The following KLHL2 variants were observed in gnomAD, a reference collection of about 807,000 sequenced individuals.
KLHL2 encodes the protein kelch like family member 2.
KLHL2 carries 15 observed loss-of-function variants against 75.8 expected under a neutral mutation model. That is an observed-to-expected ratio of 0.20 (90% CI 0.13 to 0.30). The LOEUF (loss-of-function observed/expected upper bound fraction) is 0.30. Among genes scored for constraint, KLHL2 ranks in the 10% least tolerant of loss-of-function variants. KLHL2 has a pLI of 1.00. For synonymous variants in KLHL2, 214 were observed against 251.9 expected, an observed-to-expected ratio of 0.85 and a Z score of 1.42; for missense variants, 381 against 741.0, an observed-to-expected ratio of 0.51 and a Z score of 5.64.
chr4:165,267,920 G>A (rs965615305), intron 5 of KLHL2, among the ~76,000 whole-genome samples: 50 of 152,244 alleles, frequency 3.3e-4, no homozygotes, highest in African/African-American at 1.1e-3. Context: ...GTTAGAATTT[G>A]GCTGTGAATC....
At chr4:165,216,881 T>G (rs1737577928) in intron 1 of KLHL2, among the ~76,000 whole-genome samples, 1 of 152,192 alleles carries the variant, frequency 6.6e-6, no homozygotes, top group Non-Finnish European at 1.5e-5. Context: ...TTGAATAAAG[T>G]CTTCTTTGCA....
At chr4:165,320,831 G>A (rs1356755003) in intron 14 of KLHL2, among the ~76,000 whole-genome samples, 1 of 152,204 alleles carries the variant, frequency 6.6e-6, no homozygotes, top group East Asian at 1.9e-4. Context: ...GGCTATAAAG[G>A]TTGATGGTGA....
Position 165,260,661 on chromosome 4 carries a change from A to T in KLHL2, c.382-2536A>T, listed in dbSNP as rs1741595270. On this transcript the variant is annotated intron_variant, in intron 4 of 14. Transcript: ENST00000226725. Reference sequence around the variant, plus strand: ...ATATATTTTAGAAATTATCTCATTTATTAGTTTCCTCTTTCGTTTGAATGA... The same window carrying T: ...ATATATTTTAGAAATTATCTCATTTTTTAGTTTCCTCTTTCGTTTGAATGA... 8.5e-5 allele frequency among the ~76,000 whole-genome samples: 13 copies of T among 152,134 alleles called. No homozygotes were observed. In the South Asian group the frequency reaches 2.7e-3, roughly 32 times the overall value.
At chr4:165,210,035 T>C in intron 1 of KLHL2, 1 of 1,546,672 alleles carries the variant, frequency 6.5e-7, no homozygotes. Flanking sequence ...AGAGCTGGGC[T>C]AGAACAGAGG....
chr4:165,264,719 T>TAC (rs770616220), intron 5 of KLHL2, among the ~76,000 whole-genome samples: 1 of 78,242 alleles, frequency 1.3e-5, no homozygotes, highest in Non-Finnish European at 2.4e-5. Context: ...TATATATATA[T>TAC]ACATATATAT....
At chr4:165,266,618 T>C (rs1742261325) in intron 5 of KLHL2, among the ~76,000 whole-genome samples, 1 of 152,192 alleles carries the variant, frequency 6.6e-6, no homozygotes, top group Non-Finnish European at 1.5e-5. Context: ...TTGTCAAAGA[T>C]CAGATGGTTT....
At chr4:165,234,700 C>T (rs111271958) in intron 3 of KLHL2, among the ~76,000 whole-genome samples, 30,221 of 148,666 alleles carry the variant, frequency 0.2, 3,732 homozygotes, top group Non-Finnish European at 0.29. Context: ...CTGCAGCCTC[C>T]GTCTCCCGGT....
intron 3 of KLHL2, among the ~76,000 whole-genome samples, chr4:165,233,385 T>C (rs574934382): frequency 1.3e-5 from 2 of 152,344 alleles, no homozygotes; most frequent in Admixed American, 1.3e-4. Flanking sequence ...GATTTATTTG[T>C]GCCACAGGCT....
intron 5 of KLHL2, chr4:165,277,858 G>C: frequency 1.3e-6 from 1 of 776,850 alleles, no homozygotes; most frequent in Non-Finnish European, 2.4e-6. Context: ...GGAGGGTCAC[G>C]CAGCAAGTGG....
intron 5 of KLHL2, among the ~76,000 whole-genome samples, chr4:165,287,972 T>G (rs1014781588): frequency 6.6e-6 from 1 of 152,198 alleles, no homozygotes; most frequent in African/African-American, 2.4e-5. Context: ...GGTTGCCTTT[T>G]TTCTTTATTG....
At chr4:165,321,297 TCTCCTC>T (rs777756254) in intron 14 of KLHL2, 5 of 455,966 alleles carry the variant, frequency 1.1e-5, no homozygotes, top group Middle Eastern at 3.3e-4. Flanking sequence ...CTCTCCTCTT[TCTCCTC>T]CTCCTCAGCC....
chr4:165,224,491 G>A (rs1456219505), intron 2 of KLHL2, among the ~76,000 whole-genome samples: 1 of 152,154 alleles, frequency 6.6e-6, no homozygotes, highest in Non-Finnish European at 1.5e-5. Context: ...CATTCCAGAA[G>A]ATATTTAAGC....
intron 8 of KLHL2, among the ~76,000 whole-genome samples, chr4:165,302,702 T>A (rs1229919455): frequency 6.6e-6 from 1 of 152,166 alleles, no homozygotes; most frequent in Non-Finnish European, 1.5e-5. Context: ...TATTATATTT[T>A]AAAAATATTT....
chr4:165,279,120 CAA>C (rs759230400), intron 5 of KLHL2: 1 of 1,600,006 alleles, frequency 6.2e-7, no homozygotes, highest in African/African-American at 1.3e-5. Context: ...TCAATAGTCC[CAA>C]AAAGAGCTCG....
In KLHL2 at chr4:165,299,286, T is replaced by C. The variant is rs374727084; in HGVS notation, c.772-221T>C. 2.8e-4 allele frequency among the ~76,000 whole-genome samples: 43 copies of C among 152,214 alleles called. No individual in the cohort carries two copies. The East Asian group carries it at 3.5e-3, about 12-fold the overall frequency. ...CATTTTTCACTGTGGTTCTTCTTTT[T>C]ATTACCTATATATGTTTTTCTCTGC... On this transcript the variant is annotated intron_variant, in intron 7 of 14. Coordinates refer to ENST00000226725, the MANE Select transcript of KLHL2 (RefSeq NM_007246.4).
At chr4:165,249,302 C>T (rs1740496750) in intron 4 of KLHL2, among the ~76,000 whole-genome samples, 2 of 152,334 alleles carry the variant, frequency 1.3e-5, no homozygotes, top group South Asian at 4.1e-4. Flanking sequence ...AACACTAATA[C>T]ATAAACCAAA....
intron 8 of KLHL2, among the ~76,000 whole-genome samples, chr4:165,304,628 G>T (rs950992404): frequency 6.6e-6 from 1 of 152,196 alleles, no homozygotes; most frequent in Non-Finnish European, 1.5e-5. Flanking sequence ...GTAAAAGGCA[G>T]ACACATTGAT....
In KLHL2 at chr4:165,283,653, A is replaced by G. The variant is rs189155083; in HGVS notation, c.545-10706A>G. ...TATGGCTTTTCCAGGCACATGGTGCAGGCTATCAGTGATACCATTCTGGGT... is the reference window on the plus strand; with the variant it reads ...TATGGCTTTTCCAGGCACATGGTGCGGGCTATCAGTGATACCATTCTGGGT... On this transcript the variant is annotated intron_variant, in intron 5 of 14. Coordinates refer to ENST00000226725, the MANE Select transcript of KLHL2 (RefSeq NM_007246.4). 8.9e-4 allele frequency among the ~76,000 whole-genome samples: 135 copies of G among 152,286 alleles called. 1 individual carries two copies. Among genetic ancestry groups the G allele is most frequent in the African/African-American group, 2.9e-3 (119 of 41,558 alleles).
At chr4:165,305,814 C>T (rs1745686330) in intron 9 of KLHL2, 89 bp downstream of exon 9, 1 of 927,368 alleles carries the variant, frequency 1.1e-6, no homozygotes, top group African/African-American at 1.7e-5. Flanking sequence ...AGAAAAATCT[C>T]TATCAAAAAA....
Sources: gnomAD v4.1 joint callset for allele counts (sites outside exome capture counted in the v4.1 genomes callset) on GRCh38, gnomAD v4.1.1 for gene constraint, MANE v1.5 for transcripts, NCBI Gene and HGNC (gene_info 2026-07-23, HGNC 2026-07-21) for gene names.